The following JARID2 variants were observed in gnomAD, a reference collection of about 807,000 sequenced individuals.
JARID2 encodes jumonji and AT-rich interaction domain containing 2, also known as protein Jumonji.
JARID2 carries 21 observed loss-of-function variants against 125.6 expected under a neutral mutation model. The observed-to-expected ratio is 0.17, with a 90% confidence interval of 0.12 to 0.24. The LOEUF is 0.24. JARID2 is among the 10% of genes least tolerant of loss of function. JARID2 has a pLI of 1.00. For synonymous variants in JARID2, 736 were observed against 661.6 expected (o/e 1.11, Z -1.73); for missense variants, 1,303 against 1,639.6 (o/e 0.79, Z 3.55).
At position 15,463,093 on chromosome 6, in the gene JARID2, G is replaced by C. The variant is rs576726052; in HGVS notation, c.494-5449G>C. Among the ~76,000 whole-genome samples, 10 of 152,050 alleles carry C rather than the reference G, an allele frequency of 6.6e-5. No homozygotes were observed. In the South Asian group the frequency reaches 2.1e-3, roughly 32 times the overall value. On this transcript the variant is annotated intron_variant, in intron 4 of 17. Transcript: ENST00000341776. ...CCAAGTTCAGATTTTTTTTACATTT[G>C]CTAATGCACTTGAATAATCGGGAGA...
chr6:15,483,520 T>C (rs978489655), intron 5 of JARID2, among the ~76,000 whole-genome samples: 2 of 152,168 alleles, frequency 1.3e-5, no homozygotes, highest in African/African-American at 4.8e-5. Context: ...TAAAAATATA[T>C]TTTGTTGAGA....
intron 2 of JARID2, among the ~76,000 whole-genome samples, chr6:15,396,835 GA>G (rs1434866713): frequency 2.6e-5 from 4 of 152,164 alleles, no homozygotes; most frequent in Non-Finnish European, 5.9e-5. Flanking sequence ...TTCTGAATTG[GA>G]ACAACTACTT....
chr6:15,503,688 C>G (rs2282815), intron 8 of JARID2, among the ~76,000 whole-genome samples: 5 of 151,988 alleles, frequency 3.3e-5, no homozygotes, highest in African/African-American at 9.7e-5. Flanking sequence ...CCTAGTACAC[C>G]ATAGGTGCTC....
intron 1 of JARID2, among the ~76,000 whole-genome samples, chr6:15,307,340 A>T (rs1000161644): frequency 6.6e-6 from 1 of 151,690 alleles, no homozygotes; most frequent in African/African-American, 2.4e-5. Context: ...CTCCTGCCTC[A>T]GCCTCCCTAG....
chr6:15,404,035 TTTTCCATAAGCCGAGGTATGA>T (rs1765547062), intron 2 of JARID2, among the ~76,000 whole-genome samples: 1 of 152,184 alleles, frequency 6.6e-6, no homozygotes, highest in African/African-American at 2.4e-5. Context: ...GGGATAATTA[TTTTCCATAAGCCGAGGTATGA>T]AACCACTTTC....
chr6:15,320,856 G>A (rs1376202744), intron 1 of JARID2, among the ~76,000 whole-genome samples: 1 of 150,636 alleles, frequency 6.6e-6, no homozygotes, highest in South Asian at 2.1e-4. Context: ...CTCTCTCTGT[G>A]TGTGTGTGTG....
intron 1 of JARID2, among the ~76,000 whole-genome samples, chr6:15,342,677 AGTTT>A (rs1263162692): frequency 2.0e-5 from 3 of 152,134 alleles, no homozygotes; most frequent in African/African-American, 7.2e-5. Flanking sequence ...TAACTTTTCT[AGTTT>A]GTTAAAATTA....
chr6:15,430,821 C>T (rs1170912424), intron 3 of JARID2, among the ~76,000 whole-genome samples: 5 of 152,134 alleles, frequency 3.3e-5, no homozygotes, highest in Admixed American at 6.5e-5. Flanking sequence ...ATGATCCAGA[C>T]CAGTCTTGGG....
intron 2 of JARID2, among the ~76,000 whole-genome samples, chr6:15,387,809 T>C (rs573179138): frequency 2.0e-5 from 3 of 152,292 alleles, no homozygotes; most frequent in East Asian, 3.9e-4. Flanking sequence ...GCAGTTGTGA[T>C]GGTCCTGGGA....
intron 2 of JARID2, among the ~76,000 whole-genome samples, chr6:15,403,784 T>A (rs1765537048): frequency 6.6e-6 from 1 of 152,216 alleles, no homozygotes; most frequent in African/African-American, 2.4e-5. Context: ...GATTGTTGAT[T>A]TACAAATCAG....
intron 1 of JARID2, among the ~76,000 whole-genome samples, chr6:15,350,216 C>A (rs1763376765): frequency 6.6e-6 from 1 of 152,066 alleles, no homozygotes; most frequent in African/African-American, 2.4e-5. Flanking sequence ...TCAGAAAGGT[C>A]TAAGGGTGAA....
At chr6:15,312,006 C>T (rs1230732289) in intron 1 of JARID2, among the ~76,000 whole-genome samples, 1 of 152,192 alleles carries the variant, frequency 6.6e-6, no homozygotes, top group East Asian at 1.9e-4. Context: ...GCTCATTCTA[C>T]ATATGCACCC....
intron 1 of JARID2, among the ~76,000 whole-genome samples, chr6:15,361,638 G>A (rs1183201479): frequency 6.6e-6 from 1 of 152,024 alleles, no homozygotes; most frequent in Non-Finnish European, 1.5e-5. Context: ...TGGCGGGAGG[G>A]TGGGGTCAGT....
intron 6 of JARID2, among the ~76,000 whole-genome samples, chr6:15,490,608 T>C (rs1770104639): frequency 6.6e-6 from 1 of 152,248 alleles, no homozygotes; most frequent in Non-Finnish European, 1.5e-5. Context: ...TGCACATGCC[T>C]GTATAACATT....
intron 3 of JARID2, among the ~76,000 whole-genome samples, chr6:15,418,206 C>CTA (rs2127582767): frequency 1.4e-5 from 2 of 141,814 alleles, no homozygotes; most frequent in South Asian, 4.5e-4. Flanking sequence ...CTCTTGTTAA[C>CTA]TATATTCCTC....
chr6:15,297,165 T>C (rs1208426071), intron 1 of JARID2, among the ~76,000 whole-genome samples: 1 of 152,230 alleles, frequency 6.6e-6, no homozygotes, highest in East Asian at 1.9e-4. Context: ...ATTATAATTT[T>C]TTTGAGAAGG....
At chr6:15,520,032 G>A (rs753784680) in intron 17 of JARID2, 37 bp from the exon 18 acceptor site, 26 of 1,566,404 alleles carry the variant, frequency 1.7e-5, no homozygotes, top group African/African-American at 2.7e-5. Context: ...TTGTTAATAC[G>A]GTATGTTAAC....
At position 15,266,709 on chromosome 6, in the gene JARID2, T is replaced by G. The variant is rs543581158; in HGVS notation, c.45+20125T>G. 1.3e-3 allele frequency among the ~76,000 whole-genome samples: 193 copies of G among 152,334 alleles called. 2 individuals carry two copies. The South Asian group carries it at 0.036, about 29-fold the overall frequency. On this transcript the variant is annotated intron_variant, in intron 1 of 17. Coordinates refer to ENST00000341776, the MANE Select transcript of JARID2 (RefSeq NM_004973.4). ...ACACTCTCAATGTTTAAACATTTTT[T>G]GGGGGCAGGGTGAGAAACAGCTTTG...
intron 1 of JARID2, among the ~76,000 whole-genome samples, chr6:15,365,515 G>C (rs1260917147): frequency 1.3e-5 from 2 of 152,132 alleles, no homozygotes; most frequent in East Asian, 3.8e-4. Context: ...CTGCCCAGCA[G>C]ATTTTTATAA....
Sources: gnomAD v4.1 joint callset for allele counts (sites outside exome capture counted in the v4.1 genomes callset) on GRCh38, gnomAD v4.1.1 for gene constraint, MANE v1.5 for transcripts, NCBI Gene and HGNC (gene_info 2026-07-23, HGNC 2026-07-21) for gene names.